Variants in BRINP1 observed in about 807,000 individuals in gnomAD.
BRINP1 encodes the protein BMP/retinoic acid inducible neural specific 1, also known as BMP/retinoic acid-inducible neural-specific protein 1.
In BRINP1, 17 loss-of-function variants were observed where a neutral mutation model predicts 72.9. That is an observed-to-expected ratio of 0.23 (90% CI 0.16 to 0.35). The LOEUF (loss-of-function observed/expected upper bound fraction) is 0.35. Among genes scored for constraint, BRINP1 ranks in the 10% least tolerant of loss-of-function variants. The pLI, the probability that BRINP1 is intolerant of heterozygous loss-of-function variation, is 1.00. For missense variants in BRINP1, 850 were observed against 1,001.6 expected, an observed-to-expected ratio of 0.85 and a Z score of 2.04; for synonymous variants, 418 against 378.5, an observed-to-expected ratio of 1.10 and a Z score of -1.21.
intron 7 of BRINP1, among the ~76,000 whole-genome samples, chr9:119,181,394 C>T (rs1021125126): frequency 1.3e-5 from 2 of 152,124 alleles, no homozygotes; most frequent in African/African-American, 4.8e-5. Context: ...CCTGCTCTAC[C>T]CCTATTTGAC....
intron 2 of BRINP1, among the ~76,000 whole-genome samples, chr9:119,298,004 A>G (rs1478038472): frequency 1.3e-5 from 2 of 152,194 alleles, no homozygotes; most frequent in Non-Finnish European, 2.9e-5. Flanking sequence ...TTGAAGCACA[A>G]GTTATCCTTT....
rs995942933 is a variant in BRINP1, at chr9:119,221,347, A to G, written c.686-7192T>C. Among the ~76,000 whole-genome samples the G allele has an allele frequency of 2.6e-5, 4 of 152,288 alleles. No homozygotes were observed. The East Asian group carries it at 5.8e-4, about 22-fold the overall frequency. On this transcript the variant is annotated intron_variant, in intron 5 of 7. Transcript: ENST00000265922. The stretch of plus-strand genomic sequence containing the variant: ...AAGCCCAGGGATTTCAGACTGGCAG[A>G]TAAAGGACTTTATGGCTCCAACAGC...
chr9:119,369,083 G>T lies in BRINP1; in HGVS notation c.-78C>A. 2.5e-6 allele frequency: 1 copy of T among 397,234 alleles called. No homozygotes were observed. Among genetic ancestry groups the T allele is most frequent in the South Asian group, 1.3e-4 (1 of 7,684 alleles). 24.6% of individuals were successfully genotyped at this position (397,234 alleles called of 1,614,324 possible). On this transcript the variant is annotated 5_prime_UTR_variant, in exon 1 of 8. Transcript: ENST00000265922. ...GGAGTCAATGTCCGTCTTTGGCGGA[G>T]AGCTGCGGGAGGACGCTTTTTATTC...
At chr9:119,174,125 T>TTAAAC (rs1188377341) in intron 7 of BRINP1, among the ~76,000 whole-genome samples, 1 of 148,272 alleles carries the variant, frequency 6.7e-6, no homozygotes, top group Non-Finnish European at 1.5e-5. Flanking sequence ...TGGGATCTAA[T>TTAAAC]TAAACTAAAG....
At chr9:119,336,775 G>A (rs1054542568) in intron 1 of BRINP1, among the ~76,000 whole-genome samples, 4 of 152,070 alleles carry the variant, frequency 2.6e-5, no homozygotes, top group Admixed American at 1.3e-4. Flanking sequence ...GGTGAATTGT[G>A]GGGAATGGGG....
chr9:119,272,245 G>T (rs1830615154), intron 2 of BRINP1, among the ~76,000 whole-genome samples: 1 of 151,892 alleles, frequency 6.6e-6, no homozygotes. Flanking sequence ...ACCATGCCCG[G>T]CTAATTTTTG....
intron 1 of BRINP1, among the ~76,000 whole-genome samples, chr9:119,317,582 T>C (rs1342150493): frequency 6.6e-6 from 1 of 152,222 alleles, no homozygotes; most frequent in African/African-American, 2.4e-5. Flanking sequence ...GATAAAACAG[T>C]GGCAAGATTT....
At chr9:119,293,146 C>G (rs1274239618) in intron 2 of BRINP1, among the ~76,000 whole-genome samples, 1 of 151,824 alleles carries the variant, frequency 6.6e-6, no homozygotes, top group Non-Finnish European at 1.5e-5. Context: ...TATAAATGAT[C>G]AGTAAATTGA....
At chr9:119,222,478 T>C (rs568048531) in intron 5 of BRINP1, among the ~76,000 whole-genome samples, 1 of 152,238 alleles carries the variant, frequency 6.6e-6, no homozygotes, top group African/African-American at 2.4e-5. Flanking sequence ...CCAACTCTTC[T>C]ACTAGATGAC....
At chr9:119,209,812 G>C (rs1829903114) in intron 6 of BRINP1, among the ~76,000 whole-genome samples, 1 of 152,160 alleles carries the variant, frequency 6.6e-6, no homozygotes, top group Non-Finnish European at 1.5e-5. Context: ...GAAACTTTTT[G>C]ATGTAATCTG....
At chr9:119,281,599 T>C (rs1002617025) in intron 2 of BRINP1, among the ~76,000 whole-genome samples, 7 of 152,208 alleles carry the variant, frequency 4.6e-5, no homozygotes, top group African/African-American at 1.7e-4. Flanking sequence ...ATGAAGGGTG[T>C]GTTCCCTTTG....
chr9:119,264,004 C>G (rs184191168), intron 2 of BRINP1, among the ~76,000 whole-genome samples: 204 of 152,288 alleles, frequency 1.3e-3, no homozygotes, highest in South Asian at 2.3e-3. Context: ...AGGCACTTCC[C>G]GCAATCAGAT....
At chr9:119,363,375 T>C (rs1305864147) in intron 1 of BRINP1, among the ~76,000 whole-genome samples, 2 of 152,182 alleles carry the variant, frequency 1.3e-5, no homozygotes, top group East Asian at 3.8e-4. Context: ...GTGCTTTGAT[T>C]AGAGGCATGA....
rs1027309640 is a variant in BRINP1 at position 119,196,632 on chromosome 9, C to G, written c.1145+12087G>C. Among the ~76,000 whole-genome samples the G allele has an allele frequency of 2.0e-5, 3 of 152,168 alleles. No individual in the cohort carries two copies. In the South Asian group the frequency reaches 6.2e-4, roughly 32 times the overall value. The stretch of plus-strand genomic sequence containing the variant: ...AGTGCTAATATTTATTGACCACTTA[C>G]TACATGCTAGGAACAGTGAATATGT... On this transcript the variant is annotated intron_variant, in intron 7 of 7. Coordinates refer to ENST00000265922, the MANE Select transcript of BRINP1 (RefSeq NM_014618.3).
intron 1 of BRINP1, among the ~76,000 whole-genome samples, chr9:119,324,246 G>A (rs780154646): frequency 9.2e-5 from 14 of 152,006 alleles, no homozygotes; most frequent in Non-Finnish European, 1.5e-4. Context: ...TAGTGTACTT[G>A]TTTACTACCT....
chr9:119,273,302 T>C (rs1830625175), intron 2 of BRINP1, among the ~76,000 whole-genome samples: 1 of 152,168 alleles, frequency 6.6e-6, no homozygotes, highest in Non-Finnish European at 1.5e-5. Flanking sequence ...TGAGGTCCTT[T>C]ATAGTACATA....
intron 7 of BRINP1, among the ~76,000 whole-genome samples, chr9:119,188,909 A>C (rs1401912255): frequency 6.6e-6 from 1 of 152,220 alleles, no homozygotes; most frequent in African/African-American, 2.4e-5. Flanking sequence ...TCCCATGACT[A>C]TAATAGTGAT....
intron 7 of BRINP1, among the ~76,000 whole-genome samples, chr9:119,199,094 TACAGATGGGGAA>T (rs1440219132): frequency 6.6e-6 from 1 of 152,148 alleles, no homozygotes. Flanking sequence ...ATCCTAACCA[TACAGATGGGGAA>T]ACAGAGGGAT....
chr9:119,173,600 C>T (rs1829444974), intron 7 of BRINP1, among the ~76,000 whole-genome samples: 1 of 151,840 alleles, frequency 6.6e-6, no homozygotes, highest in Non-Finnish European at 1.5e-5. Context: ...CCATCCCCAT[C>T]AAGCTACCAA....
Sources: gnomAD v4.1 joint callset for allele counts (sites outside exome capture counted in the v4.1 genomes callset) on GRCh38, gnomAD v4.1.1 for gene constraint, MANE v1.5 for transcripts, NCBI Gene and HGNC (gene_info 2026-07-23, HGNC 2026-07-21) for gene names.